Variants in PRMT7 observed in about 807,000 individuals in gnomAD.
PRMT7 encodes protein arginine methyltransferase 7.
PRMT7 carries 75 observed loss-of-function variants against 85.4 expected under a neutral mutation model. That is an observed-to-expected ratio of 0.88 (90% CI 0.73 to 1.06). PRMT7 has a LOEUF of 1.06. Among genes scored for constraint, PRMT7 ranks in the 50% least tolerant of loss-of-function variants. The pLI is 0.00. For synonymous variants in PRMT7, 397 were observed against 359.5 expected, an observed-to-expected ratio of 1.10 and a Z score of -1.18; for missense variants, 868 against 915.2, an observed-to-expected ratio of 0.95 and a Z score of 0.67.
intron 12 of PRMT7, 51 bp from the exon 13 acceptor site, chr16:68,347,580 C>A: frequency 6.4e-7 from 1 of 1,566,380 alleles, no homozygotes; most frequent in Non-Finnish European, 8.8e-7. Flanking sequence ...TCTTTAATTT[C>A]TTCTCTGTTA....
At chr16:68,337,651 C>T (rs1474871587) in intron 7 of PRMT7, 80 bp downstream of exon 7, 5 of 912,124 alleles carry the variant, frequency 5.5e-6, no homozygotes, top group Non-Finnish European at 8.2e-6. Context: ...CCGTGTCCCA[C>T]ACAGCCCAAG....
rs1239631836 is a variant in PRMT7, at chr16:68,340,239, A to G, written c.927+271A>G. On this transcript the variant is annotated intron_variant, in intron 9 of 18. Coordinates refer to ENST00000441236, the MANE Select transcript of PRMT7 (RefSeq NM_019023.5). ...CTCATCATGATGCAGCCACCCTTAGATACCACCCCTCATCCCCTGAGTAAT... is the reference window on the plus strand; with the variant it reads ...CTCATCATGATGCAGCCACCCTTAGGTACCACCCCTCATCCCCTGAGTAAT... Among the ~76,000 whole-genome samples, 4 of 152,200 alleles carry G rather than the reference A, an allele frequency of 2.6e-5. No individual in the cohort carries two copies. The South Asian group carries it at 6.2e-4, about 24-fold the overall frequency.
At position 68,329,051 on chromosome 16, in the gene PRMT7, G is replaced by A. The variant is rs577144507; in HGVS notation, c.283-15G>A. The A allele has an allele frequency of 7.0e-6, 11 of 1,562,570 alleles. No homozygotes were observed. Among genetic ancestry groups the A allele is most frequent in the Admixed American group, 5.0e-5 (3 of 59,858 alleles). On this transcript the variant is annotated splice_polypyrimidine_tract_variant and intron_variant, in intron 5 of 18. Transcript: ENST00000441236. Reference sequence around the variant, plus strand: ...TATTGCTCATTTTTCCTTGGGTTTCGGCTCTATTTTCTAGGTTTTCAAGCC... The same window carrying A: ...TATTGCTCATTTTTCCTTGGGTTTCAGCTCTATTTTCTAGGTTTTCAAGCC...
downstream of PRMT7, chr16:68,358,860 C>CATT: frequency 6.6e-6 from 1 of 152,534 alleles, no homozygotes; most frequent in Non-Finnish European, 1.5e-5. Flanking sequence ...AGGGCCTGGC[C>CATT]TGCACACAAG....
In PRMT7 at chr16:68,312,183, T is replaced by C. The variant is rs923714797; in HGVS notation, c.-84+7T>C. On this transcript the variant is annotated splice_region_variant and intron_variant, in intron 2 of 18. Transcript: ENST00000441236. ...CACGCGCCACTACACTCGGGTAATT[T>C]TTAATTTTAATATATGTATATTTAT... 5.5e-5 allele frequency: 8 copies of C among 145,862 alleles called. No homozygotes were observed. Among genetic ancestry groups the C allele is most frequent in the African/African-American group, 2.0e-4 (8 of 39,694 alleles). The allele number at this position is 145,862 out of a possible 1,614,324, so 9.0% of individuals were successfully genotyped here.
downstream of PRMT7, chr16:68,359,672 G>T (rs557265293): frequency 1.3e-5 from 2 of 152,698 alleles, no homozygotes; most frequent in Admixed American, 1.3e-4. Flanking sequence ...AGGCAAAGCC[G>T]GCCCTGGGCC....
chr16:68,323,062 CAT>C (rs1427132751), intron 4 of PRMT7, among the ~76,000 whole-genome samples: 1 of 151,950 alleles, frequency 6.6e-6, no homozygotes, highest in Non-Finnish European at 1.5e-5. Context: ...AAACACATAA[CAT>C]AAACGGTCAT....
rs368621938 is a variant in PRMT7, at chr16:68,315,933, T to C, written c.-47T>C. The C allele has an allele frequency of 2.1e-4, 327 of 1,532,736 alleles. No individual in the cohort carries two copies. The highest frequency in any genetic ancestry group is 4.6e-4 in the Admixed American group (27 of 59,062). The allele number at this position is 1,532,736 out of a possible 1,614,324, so 94.9% of individuals were successfully genotyped here. ...TCAGACTTGTCCACAAGAACTCAAC[T>C]GGCAAGGCTGCTTTTCTGTGCTAAA... On this transcript the variant is annotated 5_prime_UTR_variant, in exon 3 of 19. Transcript: ENST00000441236.
At chr16:68,346,927 G>A (rs993883716) in intron 11 of PRMT7, among the ~76,000 whole-genome samples, 2 of 152,154 alleles carry the variant, frequency 1.3e-5, no homozygotes, top group Non-Finnish European at 2.9e-5. Context: ...CAGGGAAGAA[G>A]CCTGTTGTCA....
intron 15 of PRMT7, 134 bp from the exon 16 acceptor site, chr16:68,353,358 C>A: frequency 6.7e-7 from 1 of 1,494,552 alleles, no homozygotes; most frequent in East Asian, 2.6e-5. Flanking sequence ...GATCTTTGTT[C>A]TCTCTGAGCC....
At chr16:68,356,174 C>T (rs748741417) in intron 17 of PRMT7, among the ~76,000 whole-genome samples, 1 of 152,234 alleles carries the variant, frequency 6.6e-6, no homozygotes, top group Non-Finnish European at 1.5e-5. Flanking sequence ...CCTGTGGTCA[C>T]CGATGCACCA....
chr16:68,348,368 T>A lies in PRMT7; in HGVS notation c.1350T>A (p.Asp450Glu). 6.2e-7 allele frequency: 1 copy of A among 1,610,084 alleles called. No individual in the cohort carries two copies. Among genetic ancestry groups the A allele is most frequent in the Non-Finnish European group, 8.5e-7 (1 of 1,176,414 alleles). ...RKIFKANHLEDKINIIEKRPE... is the reference protein window; with the variant it reads ...RKIFKANHLEEKINIIEKRPE... The stretch of plus-strand genomic sequence containing the variant: ...TCTTCAAGGCTAACCACTTGGAAGA[T>A]AAAATTAACATCATAGAGAAACGGC... The change falls in exon 14 of 19, where the codon GAT becomes GAA. Residue 450 changes from aspartate to glutamate, a missense_variant. Transcript: ENST00000441236.
At chr16:68,334,219 T>C (rs1161539573) in intron 6 of PRMT7, among the ~76,000 whole-genome samples, 1 of 152,250 alleles carries the variant, frequency 6.6e-6, no homozygotes, top group Admixed American at 6.5e-5. Flanking sequence ...ATTCCGTTAT[T>C]TGCTCCGGGC....
At chr16:68,334,580 A>G (rs1013902847) in intron 6 of PRMT7, among the ~76,000 whole-genome samples, 1 of 152,176 alleles carries the variant, frequency 6.6e-6, no homozygotes, top group African/African-American at 2.4e-5. Context: ...GAGCTGGGTT[A>G]CATGCTGAGG....
At chr16:68,358,640 A>AT (rs2088995754), downstream of PRMT7, 1 of 152,648 alleles carries the variant, frequency 6.6e-6, no homozygotes, top group South Asian at 2.1e-4. Flanking sequence ...AGATTAATAT[A>AT]CTTAAAACTT....
chr16:68,311,061 T>A lies in PRMT7; in HGVS notation c.-257T>A. ...CCCCGCGTGCTGGCCGCGGTAAAAG[T>A]GGTAGCAGCGGAGGCGAGCGGAGGG... On this transcript the variant is annotated 5_prime_UTR_variant, in exon 1 of 19. Transcript: ENST00000441236. 1.2e-6 allele frequency: 1 copy of A among 837,972 alleles called. No homozygotes were observed. 51.9% of individuals were successfully genotyped at this position (837,972 alleles called of 1,614,324 possible).
chr16:68,343,945 C>T (rs9889191), intron 9 of PRMT7, among the ~76,000 whole-genome samples: 85,132 of 151,962 alleles, frequency 0.56, 24,158 homozygotes, highest in East Asian at 0.78. Context: ...AGGCAGTCGT[C>T]TCATCAGAGT....
chr16:68,341,729 T>C (rs1424181155), intron 9 of PRMT7, among the ~76,000 whole-genome samples: 1 of 151,974 alleles, frequency 6.6e-6, no homozygotes, highest in Non-Finnish European at 1.5e-5. Context: ...TTTTCAAGGA[T>C]AGTTTGGCAG....
intron 3 of PRMT7, 132 bp from the exon 4 acceptor site, chr16:68,321,294 A>G (rs747143170): frequency 1.8e-5 from 12 of 682,570 alleles, no homozygotes; most frequent in Non-Finnish European, 2.8e-5. Flanking sequence ...AATAAAGATA[A>G]AAGACAACCA....
Sources: allele counts gnomAD v4.1 joint callset (sites outside exome capture counted in the v4.1 genomes callset), GRCh38; gene constraint gnomAD v4.1.1; transcripts MANE v1.5; gene names NCBI Gene and HGNC (gene_info 2026-07-23, HGNC 2026-07-21).